The following CADM2 variants were observed in gnomAD, a reference collection of about 807,000 sequenced individuals.
CADM2 encodes immunoglobulin superfamily member 4D.
Under a neutral mutation model 49.8 loss-of-function variants are expected in CADM2, and 12 were observed. The observed-to-expected ratio is 0.24, with a 90% CI of 0.15 to 0.39. The LOEUF (loss-of-function observed/expected upper bound fraction) is 0.39, where lower values mean the gene tolerates loss of function less well. Ranked by LOEUF, CADM2 falls within the 10% of genes least tolerant of loss-of-function variation. The probability of loss-of-function intolerance (pLI) is 1.00; values close to 1 mark genes in which losing one functional copy is unlikely to be tolerated. For synonymous variants in CADM2, 214 were observed against 175.4 expected (o/e 1.22, Z -1.74); for missense variants, 378 against 492.3 (o/e 0.77, Z 2.20).
chr3:85,876,540 G>A (rs991204594), intron 3 of CADM2, among the ~76,000 whole-genome samples: 1 of 152,010 alleles, frequency 6.6e-6, no homozygotes, highest in Non-Finnish European at 1.5e-5. Flanking sequence ...TGTAAGAAAT[G>A]TTGCATTTTA....
intron 1 of CADM2, among the ~76,000 whole-genome samples, chr3:85,319,159 C>G (rs114949847): frequency 1.3e-5 from 2 of 152,130 alleles, no homozygotes; most frequent in African/African-American, 4.8e-5. Flanking sequence ...TAAATCAATG[C>G]TAACTGTCAT....
At chr3:85,161,719 T>C (rs2040329909) in intron 1 of CADM2, among the ~76,000 whole-genome samples, 1 of 151,956 alleles carries the variant, frequency 6.6e-6, no homozygotes, top group Admixed American at 6.6e-5. Context: ...TTGAGTAAAA[T>C]ACAATAGAAA....
intron 1 of CADM2, among the ~76,000 whole-genome samples, chr3:85,070,388 T>G (rs1385425374): frequency 6.6e-6 from 1 of 152,200 alleles, no homozygotes; most frequent in African/African-American, 2.4e-5. Flanking sequence ...CAAATTATTC[T>G]TATAGAAAGA....
At chr3:85,385,533 T>C (rs1282954088) in intron 1 of CADM2, among the ~76,000 whole-genome samples, 2 of 152,286 alleles carry the variant, frequency 1.3e-5, no homozygotes, top group African/African-American at 2.4e-5. Context: ...TGGGCTATGA[T>C]GTAGTAAAAT....
intron 1 of CADM2, among the ~76,000 whole-genome samples, chr3:85,399,151 T>A (rs1165326377): frequency 6.6e-6 from 1 of 150,858 alleles, no homozygotes; most frequent in Non-Finnish European, 1.5e-5. Context: ...ACATTTAAGT[T>A]GAATTAATTT....
intron 1 of CADM2, among the ~76,000 whole-genome samples, chr3:85,118,916 A>C (rs1013868436): frequency 5.9e-5 from 9 of 151,776 alleles, no homozygotes; most frequent in African/African-American, 1.7e-4. Context: ...CACCCAGCTA[A>C]TTTTGTATTT....
At chr3:85,254,058 T>C (rs577459023) in intron 1 of CADM2, among the ~76,000 whole-genome samples, 2 of 152,230 alleles carry the variant, frequency 1.3e-5, no homozygotes, top group East Asian at 1.9e-4. Flanking sequence ...AGTTCCAGGT[T>C]GTGAACTGTA....
At chr3:85,019,038 G>T (rs2034383825) in intron 1 of CADM2, among the ~76,000 whole-genome samples, 1 of 152,134 alleles carries the variant, frequency 6.6e-6, no homozygotes, top group African/African-American at 2.4e-5. Flanking sequence ...CATTCCACTG[G>T]TCAGAATTAA....
intron 2 of CADM2, among the ~76,000 whole-genome samples, chr3:85,737,558 C>CTTTA (rs2068189250): frequency 8.7e-6 from 1 of 115,380 alleles, no homozygotes. Flanking sequence ...TCATTCTTTT[C>CTTTA]TTTCTTTTTT....
At chr3:85,490,120 A>G (rs1172154305) in intron 1 of CADM2, among the ~76,000 whole-genome samples, 6 of 152,078 alleles carry the variant, frequency 3.9e-5, no homozygotes, top group Admixed American at 3.3e-4. Flanking sequence ...CTTGCTTTTT[A>G]CAAGACTCTT....
intron 1 of CADM2, among the ~76,000 whole-genome samples, chr3:85,100,263 A>G (rs945643703): frequency 5.9e-5 from 9 of 152,322 alleles, no homozygotes; most frequent in African/African-American, 2.2e-4. Flanking sequence ...TTTGTTCTAC[A>G]TGTCTAATTA....
At chr3:85,472,681 T>C (rs2038818127) in intron 1 of CADM2, among the ~76,000 whole-genome samples, 2 of 152,152 alleles carry the variant, frequency 1.3e-5, no homozygotes, top group Non-Finnish European at 1.5e-5. Flanking sequence ...GAGAGATGAA[T>C]AGCATTACTT....
At chr3:85,926,464 G>T (rs910123978) in intron 6 of CADM2, among the ~76,000 whole-genome samples, 2 of 152,136 alleles carry the variant, frequency 1.3e-5, no homozygotes, top group Non-Finnish European at 2.9e-5. Flanking sequence ...CTTCACAATA[G>T]TGAGTTAGTG....
intron 2 of CADM2, among the ~76,000 whole-genome samples, chr3:85,790,832 A>G (rs777386249): frequency 2.6e-5 from 4 of 152,078 alleles, no homozygotes; most frequent in Non-Finnish European, 5.9e-5. Flanking sequence ...GCAATGGAAT[A>G]CAGGTCTCCA....
At chr3:84,973,073 C>A (rs765976599) in intron 1 of CADM2, among the ~76,000 whole-genome samples, 1 of 152,058 alleles carries the variant, frequency 6.6e-6, no homozygotes, top group Non-Finnish European at 1.5e-5. Context: ...GCCACCACGC[C>A]GGCTAAATTT....
chr3:84,959,550 C>A lies in CADM2; in HGVS notation c.-58C>A. 1 of 1,479,328 alleles carries A rather than the reference C, an allele frequency of 6.8e-7. No individual in the cohort carries two copies. The highest frequency in any genetic ancestry group is 9.1e-7 in the Non-Finnish European group (1 of 1,094,626). The allele number at this position is 1,479,328 out of a possible 1,614,324, so 91.6% of individuals were successfully genotyped here. Reference sequence around the variant, plus strand: ...AGCGGAGCCCTGCACTCTCGTGCCCCGCTCACCAGCATCTACTTGCCCCCT... The same window carrying A: ...AGCGGAGCCCTGCACTCTCGTGCCCAGCTCACCAGCATCTACTTGCCCCCT... On this transcript the variant is annotated 5_prime_UTR_variant, in exon 1 of 10. Transcript: ENST00000383699.
At chr3:86,028,718 C>A (rs917103166) in intron 8 of CADM2, among the ~76,000 whole-genome samples, 2 of 152,102 alleles carry the variant, frequency 1.3e-5, no homozygotes, top group Non-Finnish European at 2.9e-5. Context: ...ACCTTTGAAG[C>A]CTGACATGGC....
rs559877566 is a variant in CADM2, at chr3:85,924,181, T to C, written c.701-11586T>C. On this transcript the variant is annotated intron_variant, in intron 6 of 9. Transcript: ENST00000383699. ...TATTTTTAAAATTAAATTGTTTCTTTTTTTTTGGAGCACCTCTAATAAAGA... is the reference window on the plus strand; with the variant it reads ...TATTTTTAAAATTAAATTGTTTCTTCTTTTTTGGAGCACCTCTAATAAAGA... Among the ~76,000 whole-genome samples the C allele has an allele frequency of 2.0e-5, 3 of 152,338 alleles. No homozygotes were observed. In the South Asian group the frequency reaches 6.2e-4, roughly 32 times the overall value.
chr3:85,138,548 G>T (rs1197046428), intron 1 of CADM2, among the ~76,000 whole-genome samples: 1 of 152,006 alleles, frequency 6.6e-6, no homozygotes, highest in Non-Finnish European at 1.5e-5. Flanking sequence ...ATTTTTAATG[G>T]TTATTATGAT....
Sources: gnomAD v4.1 joint callset for allele counts (sites outside exome capture counted in the v4.1 genomes callset) on GRCh38, gnomAD v4.1.1 for gene constraint, MANE v1.5 for transcripts, NCBI Gene and HGNC (gene_info 2026-07-23, HGNC 2026-07-21) for gene names.